The following TLL2 variants were observed in gnomAD, a reference collection of about 807,000 sequenced individuals.
TLL2 encodes tolloid-like protein 2.
TLL2 carries 106 observed loss-of-function variants against 123.0 expected under a neutral mutation model. The observed-to-expected ratio is 0.86, with a 90% CI of 0.74 to 1.01. TLL2 has a LOEUF of 1.01. TLL2 is among the 50% of genes least tolerant of loss of function. TLL2 has a pLI of 0.00. For missense variants in TLL2, 1,332 were observed against 1,336.7 expected, an observed-to-expected ratio of 1.00 and a Z score of 0.06; for synonymous variants, 494 against 516.8, an observed-to-expected ratio of 0.96 and a Z score of 0.60.
chr10:96,406,709 C>T (rs889909543), intron 9 of TLL2, among the ~76,000 whole-genome samples: 5 of 152,120 alleles, frequency 3.3e-5, no homozygotes, highest in Non-Finnish European at 5.9e-5. Flanking sequence ...CCTATCTTCT[C>T]CCCACTGCTC....
rs759593915 is a variant in TLL2, at chr10:96,386,984, G to A, written c.1821C>T (p.Tyr607=). 62 of 1,613,978 alleles carry A rather than the reference G, an allele frequency of 3.8e-5. No individual in the cohort carries two copies. Among genetic ancestry groups the A allele is most frequent in the South Asian group, 1.5e-4 (14 of 91,086 alleles). Residue 607 remains tyrosine (Y), a synonymous_variant, in exon 14 of 21, where the codon TAC becomes TAT. Coordinates refer to ENST00000357947, the MANE Select transcript of TLL2 (RefSeq NM_012465.4). Reference sequence around the variant, plus strand: ...ACATCTTCTTATCGGCGGCCAGCTCGTAGCCAGGGTCACAGGCACACTTGT... The same window carrying A: ...ACATCTTCTTATCGGCGGCCAGCTCATAGCCAGGGTCACAGGCACACTTGT... ...GSYKCACDPG[Y]ELAADKKMCE...
chr10:96,432,362 T>C (rs1184229307), intron 4 of TLL2, among the ~76,000 whole-genome samples: 1 of 152,080 alleles, frequency 6.6e-6, no homozygotes, highest in African/African-American at 2.4e-5. Flanking sequence ...AGTCGAGCCA[T>C]GTCCACTGGT....
chr10:96,497,400 C>T (rs1010040016), intron 1 of TLL2, among the ~76,000 whole-genome samples: 3 of 152,184 alleles, frequency 2.0e-5, no homozygotes, highest in Non-Finnish European at 2.9e-5. Context: ...ATACTTTGTA[C>T]ACTTATTCTT....
At chr10:96,418,383 C>G (rs1846586113) in intron 7 of TLL2, among the ~76,000 whole-genome samples, 1 of 152,212 alleles carries the variant, frequency 6.6e-6, no homozygotes, top group African/African-American at 2.4e-5. Context: ...CACAAATGCC[C>G]TACATGGTAC....
intron 3 of TLL2, among the ~76,000 whole-genome samples, chr10:96,445,425 T>C (rs368109974): frequency 6.6e-6 from 1 of 152,144 alleles, no homozygotes; most frequent in Non-Finnish European, 1.5e-5. Flanking sequence ...CATCTGCATA[T>C]AGACAGGCAG....
intron 7 of TLL2, among the ~76,000 whole-genome samples, chr10:96,420,361 C>T (rs1467588326): frequency 6.6e-6 from 1 of 152,218 alleles, no homozygotes; most frequent in Non-Finnish European, 1.5e-5. Context: ...TCAGAACAGA[C>T]CCTGCCCATG....
intron 1 of TLL2, among the ~76,000 whole-genome samples, chr10:96,496,458 T>C (rs1159535076): frequency 1.3e-5 from 2 of 152,068 alleles, no homozygotes; most frequent in Admixed American, 1.3e-4. Context: ...CCACAGCCGC[T>C]CTGAAAGCTG....
intron 17 of TLL2, 122 bp downstream of exon 17, chr10:96,378,845 G>A: frequency 7.5e-7 from 1 of 1,332,734 alleles, no homozygotes; most frequent in South Asian, 1.3e-5. Flanking sequence ...CAGTTGCTGG[G>A]CCTCAGCTCA....
Position 96,494,022 on chromosome 10 carries a change from C to G in TLL2, c.176-13563G>C, listed in dbSNP as rs1847444440. 2.6e-5 allele frequency among the ~76,000 whole-genome samples: 4 copies of G among 152,302 alleles called. No homozygotes were observed. In the South Asian group the frequency reaches 8.3e-4, roughly 32 times the overall value. ...TCACTGCCCTGCACAGGATGCTGGT[C>G]CCAGCATTGGGATTCAAGGTGAGGA... On this transcript the variant is annotated intron_variant, in intron 1 of 20. Coordinates refer to ENST00000357947, the MANE Select transcript of TLL2 (RefSeq NM_012465.4).
rs1399208156 is a variant in TLL2, at chr10:96,496,454, C to A, written c.176-15995G>T. Among the ~76,000 whole-genome samples, 3 of 152,094 alleles carry A rather than the reference C, an allele frequency of 2.0e-5. 1 individual carries two copies. Among genetic ancestry groups the A allele is most frequent in the Non-Finnish European group, 4.4e-5 (3 of 67,996 alleles). ...CCCTACACAGCTAGGTCCTCCACAGCCGCTCTGAAAGCTGACTGCTTCTCA... is the reference window on the plus strand; with the variant it reads ...CCCTACACAGCTAGGTCCTCCACAGACGCTCTGAAAGCTGACTGCTTCTCA... On this transcript the variant is annotated intron_variant, in intron 1 of 20. Transcript: ENST00000357947.
chr10:96,377,388 T>C (rs1846147870), intron 17 of TLL2, among the ~76,000 whole-genome samples: 1 of 152,254 alleles, frequency 6.6e-6, no homozygotes. Flanking sequence ...TTGTCCTGGT[T>C]ACAGTGCTAT....
At chr10:96,436,192 A>T (rs1185461132) in intron 3 of TLL2, among the ~76,000 whole-genome samples, 2 of 152,274 alleles carry the variant, frequency 1.3e-5, no homozygotes, top group Non-Finnish European at 2.9e-5. Flanking sequence ...ATAATATGTC[A>T]ATAAATGGAC....
intron 7 of TLL2, among the ~76,000 whole-genome samples, chr10:96,416,527 T>C (rs1239215833): frequency 2.0e-5 from 3 of 152,192 alleles, no homozygotes; most frequent in Admixed American, 6.5e-5. Context: ...GAGGTAGTCA[T>C]GGAGAGGCAG....
At chr10:96,385,460 C>T (rs558855824) in intron 15 of TLL2, among the ~76,000 whole-genome samples, 1 of 152,074 alleles carries the variant, frequency 6.6e-6, no homozygotes, top group Non-Finnish European at 1.5e-5. Flanking sequence ...TCCAGTACCC[C>T]AAAGGCCTGA....
At chr10:96,459,705 AATATATATAT>A (rs59654947) in intron 2 of TLL2, among the ~76,000 whole-genome samples, 30 of 38,058 alleles carry the variant, frequency 7.9e-4, no homozygotes, top group East Asian at 4.8e-3. Flanking sequence ...AAAAAAAAAA[AATATATATAT>A]ATATATATAT....
At chr10:96,437,307 T>G (rs553908880) in intron 3 of TLL2, among the ~76,000 whole-genome samples, 3 of 152,346 alleles carry the variant, frequency 2.0e-5, no homozygotes, top group Non-Finnish European at 2.9e-5. Flanking sequence ...TCATTTCCTC[T>G]AATGGTAACA....
chr10:96,428,748 C>T lies in TLL2; in HGVS notation c.521G>A (p.Gly174Glu), dbSNP rs755661390. The T allele has an allele frequency of 4.4e-6, 7 of 1,604,914 alleles. No homozygotes were observed. The highest frequency in any genetic ancestry group is 6.0e-6 in the Non-Finnish European group (7 of 1,172,914). ...IPYVIGGNFTGSQRAIFKQAM... is the reference protein window; with the variant it reads ...IPYVIGGNFTESQRAIFKQAM... ...CTGCTTAAAAATGGCCCTCTGGCTCCCTGAAACAACAGGGCAAGCACTCGA... is the reference window on the plus strand; with the variant it reads ...CTGCTTAAAAATGGCCCTCTGGCTCTCTGAAACAACAGGGCAAGCACTCGA... Residue 174 changes from glycine (G) to glutamate (E), a missense_variant and splice_region_variant, in exon 5 of 21, where the codon GGG becomes GAG. Gly to Glu is a moderately conservative substitution (Grantham distance 98). Transcript: ENST00000357947.
At chr10:96,513,443 C>T (rs1847651630) in intron 1 of TLL2, 68 bp downstream of exon 1, 1 of 1,597,364 alleles carries the variant, frequency 6.3e-7, no homozygotes, top group Admixed American at 1.7e-5. Context: ...GTAGTGCAGG[C>T]TTGCCCACCA....
chr10:96,420,851 G>T, intron 7 of TLL2, 105 bp downstream of exon 7: 1 of 929,734 alleles, frequency 1.1e-6, no homozygotes, highest in Non-Finnish European at 1.8e-6. Context: ...GGCCAGCCGT[G>T]CTAGAAGCAT....
Sources: gnomAD v4.1 joint callset for allele counts (sites outside exome capture counted in the v4.1 genomes callset) on GRCh38, gnomAD v4.1.1 for gene constraint, MANE v1.5 for transcripts, NCBI Gene and HGNC (gene_info 2026-07-23, HGNC 2026-07-21) for gene names.